NCBP2L: variants seen among roughly 807,000 people sequenced by gnomAD.
NCBP2L encodes the protein nuclear cap binding protein subunit 2 like.
For missense variants in NCBP2L, 95 were observed against 53.1 expected (o/e 1.79, Z -2.45); for synonymous variants, 39 against 19.2 (o/e 2.04, Z -2.70).
At chrX:107,779,642 G>C (rs1377638788) in intron 1 of NCBP2L, among the ~76,000 whole-genome samples, 1 of 110,718 alleles carries the variant, frequency 9.0e-6, no homozygotes, top group Non-Finnish European at 1.9e-5. Context: ...TGGCCAAGCT[G>C]GTTTGGAACC....
chrX:107,779,868 C>T (rs1435688418), intron 1 of NCBP2L, among the ~76,000 whole-genome samples: 2 of 107,817 alleles, frequency 1.9e-5, no homozygotes, highest in Admixed American at 9.8e-5. Flanking sequence ...CTCAGCCTCC[C>T]GAGTAGCTGG....
chrX:107,782,276 AATATATATAAAT>A (rs1930320343), intron 1 of NCBP2L, among the ~76,000 whole-genome samples: 17 of 17,878 alleles, frequency 9.5e-4, no homozygotes, highest in Admixed American at 1.1e-3. Flanking sequence ...TATATATATA[AATATATATAAAT>A]ATATATATAT....
intron 1 of NCBP2L, among the ~76,000 whole-genome samples, chrX:107,782,824 T>TATAC (rs201030082): frequency 0.19 from 20,482 of 106,800 alleles, 2,217 homozygotes; most frequent in African/African-American, 0.39. Context: ...TTATTTTATA[T>TATAC]ATACATATAC....
At position 107,794,244 on chromosome X, in the gene NCBP2L, A is replaced by G; in HGVS notation, c.24A>G (p.Leu8=). The G allele has an allele frequency of 1.8e-6, 1 of 552,019 alleles. No homozygotes were observed. Among genetic ancestry groups the G allele is most frequent in the South Asian group, 2.4e-5 (1 of 41,263 alleles). 45.5% of individuals were successfully genotyped at this position (552,019 alleles called of 1,213,427 possible). A position where few individuals can be genotyped will look rare whatever the true frequency, so the allele number is the denominator to read the frequency against. Reference sequence around the variant, plus strand: ...CCATGTCCAAAGACCTGAAAATTCTATGTAAAGACCCTGCTTTGGAGCTGA... The same window carrying G: ...CCATGTCCAAAGACCTGAAAATTCTGTGTAAAGACCCTGCTTTGGAGCTGA... MSKDLKI[L]CKDPALELSC... is the part of the protein sequence containing the mutation. The change falls in exon 2 of 2, where the codon CTA becomes CTG. Residue 8 remains leucine (L), a synonymous_variant. Transcript: ENST00000509000.
At position 107,780,667 on chromosome X, in the gene NCBP2L, T is replaced by C. The variant is rs1160523676; in HGVS notation, c.-73+2809T>C. Reference sequence around the variant, plus strand: ...TTTTTTTTGACAGAGTCTTGCTTGGTCACCAAGGCTGGAGTGCAGTGCCAC... The same window carrying C: ...TTTTTTTTGACAGAGTCTTGCTTGGCCACCAAGGCTGGAGTGCAGTGCCAC... On this transcript the variant is annotated intron_variant, in intron 1 of 1. Transcript: ENST00000509000. 5.9e-5 allele frequency among the ~76,000 whole-genome samples: 6 copies of C among 101,312 alleles called. No individual in the cohort carries two copies. The East Asian group carries it at 1.9e-3, about 31-fold the overall frequency. 88.0% of individuals were successfully genotyped at this position (101,312 alleles called of 115,157 possible).
At position 107,781,676 on chromosome X, in the gene NCBP2L, A is replaced by ATCTCTCTCTCTC. The variant is rs1252852252; in HGVS notation, c.-73+3824_-73+3835dup. Among the ~76,000 whole-genome samples, 70 of 55,883 alleles carry ATCTCTCTCTCTC rather than the reference A, an allele frequency of 1.3e-3. 2 individuals are homozygous for ATCTCTCTCTCTC. Among genetic ancestry groups the ATCTCTCTCTCTC allele is most frequent in the African/African-American group, 7.5e-3 (66 of 8,819 alleles). The allele number at this position is 55,883 out of a possible 115,157, so 48.5% of individuals were successfully genotyped here. On this transcript the variant is annotated intron_variant, in intron 1 of 1. Coordinates refer to ENST00000509000, the MANE Select transcript of NCBP2L (RefSeq NM_001348372.2). ...CATCTATCTATCTATCTATCTATCT[A>ATCTCTCTCTCTC]TCTCTCTCTCTCTCTCTATATATAT...
At chrX:107,788,475 A>G (rs181966924) in intron 1 of NCBP2L, among the ~76,000 whole-genome samples, 1 of 112,766 alleles carries the variant, frequency 8.9e-6, no homozygotes, top group East Asian at 2.8e-4. Flanking sequence ...TCTCTTTGCT[A>G]GACTAAACAT....
intron 1 of NCBP2L, among the ~76,000 whole-genome samples, chrX:107,792,352 A>G (rs1216110828): frequency 9.0e-6 from 1 of 110,785 alleles, no homozygotes; most frequent in Non-Finnish European, 1.9e-5. Flanking sequence ...AAAAAAAAAA[A>G]AAAAGGAAAT....
intron 1 of NCBP2L, among the ~76,000 whole-genome samples, chrX:107,783,277 A>G (rs2072905932): frequency 9.3e-6 from 1 of 107,097 alleles, no homozygotes; most frequent in African/African-American, 3.4e-5. Context: ...GAGGTCAGGA[A>G]TTTGAGACAA....
chrX:107,791,699 C>G (rs1339123781), intron 1 of NCBP2L, among the ~76,000 whole-genome samples: 1 of 112,169 alleles, frequency 8.9e-6, no homozygotes, highest in Non-Finnish European at 1.9e-5. Context: ...ATCACTTGAT[C>G]AGAATATTGA....
chrX:107,788,887 A>G (rs1354711875), intron 1 of NCBP2L, among the ~76,000 whole-genome samples: 1 of 111,165 alleles, frequency 9.0e-6, no homozygotes, highest in Non-Finnish European at 1.9e-5. Context: ...TCTCTCACCT[A>G]TTGAGGACTT....
intron 1 of NCBP2L, among the ~76,000 whole-genome samples, chrX:107,784,088 G>T (rs916579493): frequency 2.7e-5 from 3 of 111,459 alleles, no homozygotes; most frequent in Non-Finnish European, 5.7e-5. Context: ...ACTTATCCAA[G>T]CCCATTTTTA....
chrX:107,779,460 T>C (rs1305822052), intron 1 of NCBP2L, among the ~76,000 whole-genome samples: 1 of 112,394 alleles, frequency 8.9e-6, no homozygotes, highest in African/African-American at 3.2e-5. Context: ...AGAACGAGTC[T>C]TGCTTTTGTT....
At chrX:107,782,271 AT>A (rs1930319166) in intron 1 of NCBP2L, among the ~76,000 whole-genome samples, 4 of 28,479 alleles carry the variant, frequency 1.4e-4, no homozygotes, top group African/African-American at 4.5e-4. Context: ...AAATATATAT[AT>A]ATAAATATAT....
intron 1 of NCBP2L, among the ~76,000 whole-genome samples, chrX:107,781,672 A>ATCTC (rs1203106428): frequency 6.4e-5 from 4 of 62,654 alleles, no homozygotes; most frequent in African/African-American, 5.0e-4. Flanking sequence ...CTATCTATCT[A>ATCTC]TCTATCTCTC....
At chrX:107,785,639 G>T (rs931670523) in intron 1 of NCBP2L, among the ~76,000 whole-genome samples, 1 of 111,506 alleles carries the variant, frequency 9.0e-6, no homozygotes, top group African/African-American at 3.3e-5. Flanking sequence ...TGGGGGCCCT[G>T]TTTTCACCAG....
chrX:107,790,793 A>G (rs764081612), intron 1 of NCBP2L, among the ~76,000 whole-genome samples: 1 of 111,837 alleles, frequency 8.9e-6, no homozygotes, highest in East Asian at 2.8e-4. Context: ...GCATTTTGTA[A>G]CACAAATCTG....
intron 1 of NCBP2L, among the ~76,000 whole-genome samples, chrX:107,792,159 C>T (rs1006521563): frequency 1.8e-5 from 2 of 111,985 alleles, no homozygotes; most frequent in Middle Eastern, 4.6e-3. Context: ...ACCATGTGTT[C>T]GCTTCTTTGG....
In NCBP2L at chrX:107,782,823, A is replaced by T. The variant is rs187896381; in HGVS notation, c.-73+4965A>T. Among the ~76,000 whole-genome samples the T allele has an allele frequency of 5.8e-3, 558 of 96,665 alleles. 14 individuals carry two copies. The highest frequency in any genetic ancestry group is 0.057 in the Admixed American group (521 of 9,178). The allele number at this position is 96,665 out of a possible 115,157, so 83.9% of individuals were successfully genotyped here. A position where few individuals can be genotyped will look rare whatever the true frequency, so the allele number is the denominator to read the frequency against. ...AAGGCTAAATAATATTTTATTTTAT[A>T]TATACATATACATATATACACATAA... On this transcript the variant is annotated intron_variant, in intron 1 of 1. Coordinates refer to ENST00000509000, the MANE Select transcript of NCBP2L (RefSeq NM_001348372.2).
Sources: gnomAD v4.1 joint callset for allele counts (sites outside exome capture counted in the v4.1 genomes callset) on GRCh38, gnomAD v4.1.1 for gene constraint, MANE v1.5 for transcripts, NCBI Gene and HGNC (gene_info 2026-07-23, HGNC 2026-07-21) for gene names.